CLASRP: variants seen among roughly 807,000 people sequenced by gnomAD.
CLASRP encodes CLK4-associating serine/arginine rich protein.
Under a neutral mutation model 99.9 loss-of-function variants are expected in CLASRP, and 52 were observed. The ratio of observed to expected loss-of-function variants is 0.52; its 90% confidence interval spans 0.42 to 0.66. The LOEUF (loss-of-function observed/expected upper bound fraction) is 0.66, where lower values mean the gene tolerates loss of function less well. Ranked by LOEUF, CLASRP falls within the 30% of genes least tolerant of loss-of-function variation. CLASRP has a pLI of 0.00. For missense variants in CLASRP, 848 were observed against 999.2 expected (o/e 0.85, Z 2.04); for synonymous variants, 379 against 373.0 (o/e 1.02, Z -0.18).
intron 3 of CLASRP, among the ~76,000 whole-genome samples, 184 bp from the exon 4 acceptor site, chr19:45,052,607 G>T (rs1039554842): frequency 1.3e-5 from 2 of 152,054 alleles, no homozygotes; most frequent in African/African-American, 2.4e-5. Flanking sequence ...GCCTGAATGT[G>T]GATTCAGGGA....
At chr19:45,069,034 C>G in intron 16 of CLASRP, 32 bp from the exon 17 acceptor site, 1 of 1,598,644 alleles carries the variant, frequency 6.3e-7, no homozygotes, top group Non-Finnish European at 8.6e-7. Flanking sequence ...CTTAAGGGAA[C>G]CCCTCAGCCA....
Position 45,064,504 on chromosome 19 carries a change from G to A in CLASRP, c.1283G>A (p.Arg428His). Residue 428 changes from arginine (R) to histidine (H), a missense_variant, in exon 13 of 21, where the codon CGC becomes CAC. Arg to His is a conservative substitution (Grantham distance 29). Transcript: ENST00000221455. ...CGCTCCTGGTCCCGCTCCCGCTCCC[G>A]CTCCCGGCGCTATTCCCGGTCCCGT... is the stretch of plus-strand genomic sequence containing the variant. Reference protein sequence around the residue: ...RSRSWSRSRSRSRRYSRSRSR... With the variant: ...RSRSWSRSRSHSRRYSRSRSR... 2.0e-6 allele frequency: 3 copies of A among 1,536,776 alleles called. No homozygotes were observed. The highest frequency in any genetic ancestry group is 2.6e-6 in the Non-Finnish European group (3 of 1,146,048).
chr19:45,070,798 T>C lies in CLASRP; in HGVS notation c.1983-5T>C, dbSNP rs772240444. On this transcript the variant is annotated splice_polypyrimidine_tract_variant and splice_region_variant and intron_variant, in intron 20 of 20. Coordinates refer to ENST00000221455, the MANE Select transcript of CLASRP (RefSeq NM_007056.3). ...TCCTCACGGCCCCTCCCTTTCTCTT[T>C]CCAGGCGCTCAAGGTCCCGATCCCG... The C allele has an allele frequency of 1.6e-5, 25 of 1,532,558 alleles. No individual in the cohort carries two copies. In the East Asian group the frequency reaches 1.8e-4, roughly 11 times the overall value. The allele number at this position is 1,532,558 out of a possible 1,614,324, so 94.9% of individuals were successfully genotyped here.
chr19:45,046,964 T>C (rs543365057), intron 2 of CLASRP, among the ~76,000 whole-genome samples: 2 of 151,928 alleles, frequency 1.3e-5, no homozygotes, highest in Non-Finnish European at 2.9e-5. Flanking sequence ...GAGGCAGAGA[T>C]TGTGGTTAGC....
At position 45,069,431 on chromosome 19, in the gene CLASRP, A is replaced by T. The variant is rs183649579; in HGVS notation, c.1874+183A>T. On this transcript the variant is annotated intron_variant, in intron 18 of 20. Transcript: ENST00000221455. ...TGCTCCTCTCCCTGAATTTCCTCCC[A>T]CCATTTCGACCTGCCTCCCGCCACC... 3.6e-3 allele frequency among the ~76,000 whole-genome samples: 550 copies of T among 151,510 alleles called. 2 individuals are homozygous for T. Among genetic ancestry groups the T allele is most frequent in the African/African-American group, 0.013 (523 of 41,288 alleles).
intron 2 of CLASRP, among the ~76,000 whole-genome samples, chr19:45,043,287 C>G (rs998490235): frequency 2.7e-5 from 4 of 148,652 alleles, no homozygotes; most frequent in Non-Finnish European, 5.9e-5. Flanking sequence ...TGGTGGGCAC[C>G]TGTACTCCCA....
chr19:45,070,702 C>G, intron 20 of CLASRP, 101 bp from the exon 21 acceptor site: 1 of 1,304,558 alleles, frequency 7.7e-7, no homozygotes, highest in Non-Finnish European at 1.1e-6. Context: ...GAACATCCTT[C>G]CCTCCACAGA....
intron 18 of CLASRP, 125 bp downstream of exon 18, chr19:45,069,373 C>CTTTCA: frequency 1.0e-6 from 1 of 974,336 alleles, no homozygotes; most frequent in Non-Finnish European, 1.6e-6. Flanking sequence ...AGATCCCTGC[C>CTTTCA]TGGCCCTCGG....
At position 45,060,692 on chromosome 19, in the gene CLASRP, C is replaced by T. The variant is rs966002582; in HGVS notation, c.863+65C>T. 1.6e-6 allele frequency: 2 copies of T among 1,277,890 alleles called. No homozygotes were observed. Among genetic ancestry groups the T allele is most frequent in the African/African-American group, 3.0e-5 (2 of 66,604 alleles). The allele number at this position is 1,277,890 out of a possible 1,614,324, so 79.2% of individuals were successfully genotyped here. A position where few individuals can be genotyped will look rare whatever the true frequency, so the allele number is the denominator to read the frequency against. ...GGGGAGGAGAGCAGGGGCTTAGGGC[C>T]TGAGAAAGCTCTTTGGAGGCAGGCA... On this transcript the variant is annotated intron_variant, in intron 10 of 20. Transcript: ENST00000221455. This position sits in a 1 kb window ranked among gnomAD's most constrained non-coding sequence, Gnocchi z 4.6.
At chr19:45,055,037 C>T (rs1158880143) in intron 5 of CLASRP, among the ~76,000 whole-genome samples, 1 of 152,204 alleles carries the variant, frequency 6.6e-6, no homozygotes, top group Non-Finnish European at 1.5e-5. Context: ...TTCCAGGCCA[C>T]ATGGCTTCCT....
Position 45,067,281 on chromosome 19 carries a change from T to C in CLASRP, c.1410-56T>C. ...CTGTGGATCCGGACCCAGGGTGGGG[T>C]GCGGTTGGGGTCCCTGGAGCCTCAC... On this transcript the variant is annotated intron_variant, in intron 13 of 20. Coordinates refer to ENST00000221455, the MANE Select transcript of CLASRP (RefSeq NM_007056.3). This position sits in a 1 kb window ranked among gnomAD's most constrained non-coding sequence, Gnocchi z 4.9. The C allele has an allele frequency of 6.9e-7, 1 of 1,445,622 alleles. No homozygotes were observed. Among genetic ancestry groups the C allele is most frequent in the Non-Finnish European group, 9.1e-7 (1 of 1,102,852 alleles). The allele number at this position is 1,445,622 out of a possible 1,614,324, so 89.5% of individuals were successfully genotyped here.
At chr19:45,054,895 G>A (rs1166449345) in intron 5 of CLASRP, among the ~76,000 whole-genome samples, 1 of 152,186 alleles carries the variant, frequency 6.6e-6, no homozygotes, top group Non-Finnish European at 1.5e-5. Flanking sequence ...GGGTTTGCTA[G>A]TCCAGTATTT....
chr19:45,039,984 A>G (rs1971782120), intron 1 of CLASRP, 200 bp from the exon 2 acceptor site: 3 of 417,660 alleles, frequency 7.2e-6, no homozygotes, highest in South Asian at 5.6e-5. Flanking sequence ...GGTTTTTCAG[A>G]ATGCCCAAGC....
At chr19:45,070,222 T>A (rs1967205223) in intron 19 of CLASRP, 118 bp downstream of exon 19, 1 of 723,486 alleles carries the variant, frequency 1.4e-6, no homozygotes, top group Non-Finnish European at 2.5e-6. Context: ...ATCCCAGCAC[T>A]TTGGGAGGCT....
chr19:45,062,185 C>A lies in CLASRP; in HGVS notation c.895C>A (p.Pro299Thr). ...CCGCCGAGACAGCCCCACCTATGACCCCTATAAGCGGTAAGTTGCTCTGGA... is the reference window on the plus strand; with the variant it reads ...CCGCCGAGACAGCCCCACCTATGACACCTATAAGCGGTAAGTTGCTCTGGA... ...YARRDSPTYD[P>T]YKRSPSESSS... Residue 299 changes from proline to threonine, a missense_variant, in exon 11 of 21, where the codon CCC becomes ACC. Physicochemically the swap from Pro to Thr is conservative, Grantham distance 38 (BLOSUM62 -1). Coordinates refer to ENST00000221455, the MANE Select transcript of CLASRP (RefSeq NM_007056.3). 6.5e-7 allele frequency: 1 copy of A among 1,542,142 alleles called. No individual in the cohort carries two copies. Among genetic ancestry groups the A allele is most frequent in the Non-Finnish European group, 9.0e-7 (1 of 1,114,558 alleles).
chr19:45,066,015 C>T (rs1461412032), intron 13 of CLASRP, among the ~76,000 whole-genome samples: 1 of 152,190 alleles, frequency 6.6e-6, no homozygotes, highest in Non-Finnish European at 1.5e-5. Context: ...GCACATGTTC[C>T]CTCCAGTCGG....
intron 11 of CLASRP, among the ~76,000 whole-genome samples, chr19:45,063,436 CTTTTTTTTTTTTTTT>C (rs565600159): frequency 0.04 from 1,680 of 42,504 alleles, 131 homozygotes; most frequent in African/African-American, 0.13. Context: ...ATCTGCTTAT[CTTTTTTTTTTTTTTT>C]TTTTTTTTTT....
rs759847542 is a variant in CLASRP, at chr19:45,067,583, G to C, written c.1656G>C (p.Glu552Asp). 3 of 1,598,492 alleles carry C rather than the reference G, an allele frequency of 1.9e-6. No homozygotes were observed. Among genetic ancestry groups the C allele is most frequent in the Non-Finnish European group, 2.6e-6 (3 of 1,174,188 alleles). ...TRPAASPAVG[E>D]KLKKTEPAAG... ...CGGCCGCGTCCCCTGCTGTGGGCGA[G>C]AAGCTGAAAAAGTGAGCGGGGCGGG... Residue 552 changes from glutamate to aspartate, a missense_variant, in exon 14 of 21, where the codon GAG becomes GAC. Physicochemically the swap from Glu to Asp is conservative, Grantham distance 45. Transcript: ENST00000221455. The surrounding 1 kb of genome is among the most constrained non-coding windows in gnomAD (Gnocchi z 4.9).
intron 16 of CLASRP, 101 bp downstream of exon 16, chr19:45,068,581 T>C (rs1351130079): frequency 3.2e-5 from 29 of 897,426 alleles, no homozygotes; most frequent in Non-Finnish European, 3.9e-5. Flanking sequence ...GGCCCTTCCC[T>C]AGAGAGGCCA....
Sources: allele counts gnomAD v4.1 joint callset (sites outside exome capture counted in the v4.1 genomes callset), GRCh38; gene constraint gnomAD v4.1.1; non-coding constraint Gnocchi (gnomAD v3.1); transcripts MANE v1.5; gene names NCBI Gene and HGNC (gene_info 2026-07-23, HGNC 2026-07-21).